ATAD2: variants seen among roughly 807,000 people sequenced by gnomAD.
The protein encoded by ATAD2 is ATPase family AAA domain containing 2, also known as ATPase family AAA domain-containing protein 2.
In ATAD2, 62 loss-of-function variants were observed where a neutral mutation model predicts 168.9. The ratio of observed to expected loss-of-function variants is 0.37; its 90% CI spans 0.30 to 0.45. The LOEUF (loss-of-function observed/expected upper bound fraction) is 0.45. Among genes scored for constraint, ATAD2 ranks in the 20% least tolerant of loss-of-function variants. The probability of loss-of-function intolerance (pLI) is 1.00; values close to 1 mark genes in which losing one functional copy is unlikely to be tolerated. For synonymous variants in ATAD2, 613 were observed against 571.6 expected, an observed-to-expected ratio of 1.07 and a Z score of -1.03; for missense variants, 1,419 against 1,667.8, an observed-to-expected ratio of 0.85 and a Z score of 2.60.
chr8:123,335,504 TAC>T (rs993362710), intron 22 of ATAD2, among the ~76,000 whole-genome samples: 2 of 152,162 alleles, frequency 1.3e-5, no homozygotes, highest in African/African-American at 2.4e-5. Flanking sequence ...GAGAAATGAA[TAC>T]AGAAAACAAC....
chr8:123,348,924 G>C (rs1402919674), intron 14 of ATAD2, among the ~76,000 whole-genome samples: 1 of 151,922 alleles, frequency 6.6e-6, no homozygotes, highest in East Asian at 1.9e-4. Context: ...TTCCTCTTTG[G>C]TTCCCAGAAG....
At chr8:123,377,972 A>AT (rs545564038) in intron 2 of ATAD2, among the ~76,000 whole-genome samples, 34 of 152,162 alleles carry the variant, frequency 2.2e-4, no homozygotes, top group Non-Finnish European at 4.7e-4. Context: ...TAAAATGCTT[A>AT]TTTTTTTCTT....
At chr8:123,332,566 ATTGT>A (rs1224025714) in intron 24 of ATAD2, among the ~76,000 whole-genome samples, 2 of 152,172 alleles carry the variant, frequency 1.3e-5, no homozygotes, top group South Asian at 2.1e-4. Context: ...TTCACTCAAC[ATTGT>A]TTGGGAGGTT....
chr8:123,384,079 C>CAAAAA (rs754380577), intron 1 of ATAD2, among the ~76,000 whole-genome samples: 1 of 73,396 alleles, frequency 1.4e-5, no homozygotes, highest in African/African-American at 4.5e-5. Context: ...GACTCCGTCT[C>CAAAAA]AAAAAAAAAA....
Position 123,320,530 on chromosome 8 carries a change from T to G in ATAD2, c.*604A>C, listed in dbSNP as rs998666329. The stretch of plus-strand genomic sequence containing the variant: ...ATTTAAAATCTTTATTAACCCAAAT[T>G]AGAATTATAAAAATGTTTGTCTCAA... On this transcript the variant is annotated 3_prime_UTR_variant, in exon 28 of 28. Coordinates refer to ENST00000287394, the MANE Select transcript of ATAD2 (RefSeq NM_014109.4). 6.6e-6 allele frequency: 1 copy of G among 152,106 alleles called. No homozygotes were observed. Among genetic ancestry groups the G allele is most frequent in the Admixed American group, 6.6e-5 (1 of 15,252 alleles). 9.4% of individuals were successfully genotyped at this position (152,106 alleles called of 1,614,324 possible).
intron 2 of ATAD2, among the ~76,000 whole-genome samples, chr8:123,372,892 CTTTT>C (rs766308467): frequency 1.5e-5 from 2 of 137,930 alleles, no homozygotes; most frequent in African/African-American, 2.7e-5. Context: ...ATCCAGCTAA[CTTTT>C]TTTTTTTTTT....
intron 26 of ATAD2, 127 bp from the exon 27 acceptor site, chr8:123,323,193 G>C (rs914974910): frequency 1.0e-6 from 1 of 974,604 alleles, no homozygotes. Context: ...TGATGACACA[G>C]GGCAGCCTCT....
At position 123,396,433 on chromosome 8, in the gene ATAD2, C is replaced by T; in HGVS notation, c.-76G>A. On this transcript the variant is annotated 5_prime_UTR_variant, in exon 1 of 28. Coordinates refer to ENST00000287394, the MANE Select transcript of ATAD2 (RefSeq NM_014109.4). ...CAGGCGCTCGCAGCTCTGGCTCTTC[C>T]GCGCTCCGAATTCTGGCGCCACAAG... The T allele has an allele frequency of 1.4e-6, 2 of 1,394,506 alleles. No homozygotes were observed. Among genetic ancestry groups the T allele is most frequent in the Non-Finnish European group, 1.9e-6 (2 of 1,067,502 alleles). 86.4% of individuals were successfully genotyped at this position (1,394,506 alleles called of 1,614,324 possible).
Position 123,320,977 on chromosome 8 carries a change from A to G in ATAD2, c.*157T>C, listed in dbSNP as rs1325845159. The G allele has an allele frequency of 1.6e-6, 1 of 644,936 alleles. No homozygotes were observed. The highest frequency in any genetic ancestry group is 3.0e-5 in the East Asian group (1 of 32,794). 40.0% of individuals were successfully genotyped at this position (644,936 alleles called of 1,614,324 possible). A position where few individuals can be genotyped will look rare whatever the true frequency, so the allele number is the denominator to read the frequency against. ...TCTTACACATGACATTTATCTTAATATGTACATAAATATCAGGAAAGTTTA... is the reference window on the plus strand; with the variant it reads ...TCTTACACATGACATTTATCTTAATGTGTACATAAATATCAGGAAAGTTTA... On this transcript the variant is annotated 3_prime_UTR_variant, in exon 28 of 28. Transcript: ENST00000287394.
chr8:123,383,221 G>A (rs1054188188), intron 1 of ATAD2, among the ~76,000 whole-genome samples: 4 of 152,102 alleles, frequency 2.6e-5, no homozygotes, highest in Non-Finnish European at 4.4e-5. Flanking sequence ...AGGAGGGATA[G>A]CATTAGGAGA....
intron 24 of ATAD2, among the ~76,000 whole-genome samples, chr8:123,333,061 C>T (rs1294395475): frequency 6.6e-6 from 1 of 151,576 alleles, no homozygotes; most frequent in Non-Finnish European, 1.5e-5. Context: ...CACCGCTAAC[C>T]CTAACCTTAA....
chr8:123,322,103 T>C (rs151124480), intron 27 of ATAD2, among the ~76,000 whole-genome samples: 1,607 of 151,512 alleles, frequency 0.011, 17 homozygotes, highest in Non-Finnish European at 0.015. Flanking sequence ...TTCTCATGCC[T>C]CAGCCACCCG....
chr8:123,388,199 CTTTA>C (rs1393317542), intron 1 of ATAD2, among the ~76,000 whole-genome samples: 4 of 152,154 alleles, frequency 2.6e-5, no homozygotes, highest in Admixed American at 1.3e-4. Flanking sequence ...TCACTACCTT[CTTTA>C]TTTATTTTTA....
chr8:123,370,178 C>G (rs1334132745), intron 6 of ATAD2, among the ~76,000 whole-genome samples, 154 bp from the exon 7 acceptor site: 2 of 150,740 alleles, frequency 1.3e-5, no homozygotes, highest in Non-Finnish European at 3.0e-5. Flanking sequence ...CTTATCTACT[C>G]CTAGATTGTT....
chr8:123,323,844 T>C (rs1056154128), intron 26 of ATAD2, among the ~76,000 whole-genome samples: 1 of 152,240 alleles, frequency 6.6e-6, no homozygotes, highest in East Asian at 1.9e-4. Context: ...GGATATATGG[T>C]ACTATTACAT....
intron 1 of ATAD2, among the ~76,000 whole-genome samples, chr8:123,409,820 C>T (rs1813126009): frequency 6.6e-6 from 1 of 151,506 alleles, no homozygotes; most frequent in East Asian, 2.0e-4. Context: ...TCTGTAGTCC[C>T]AGCTACTCGG....
intron 1 of ATAD2, among the ~76,000 whole-genome samples, chr8:123,384,652 G>A (rs1034149358): frequency 1.3e-5 from 2 of 152,194 alleles, no homozygotes; most frequent in Non-Finnish European, 2.9e-5. Flanking sequence ...AGAGAACACT[G>A]TCTTTAGCAA....
intron 13 of ATAD2, among the ~76,000 whole-genome samples, chr8:123,351,961 G>A (rs1255905504): frequency 6.6e-6 from 1 of 152,106 alleles, no homozygotes; most frequent in Non-Finnish European, 1.5e-5. Flanking sequence ...TGTTAGCCAG[G>A]ATGGTCTCGA....
In ATAD2 at chr8:123,323,029, T is replaced by C. The variant is rs201875307; in HGVS notation, c.4040A>G (p.Tyr1347Cys). 28 of 1,612,018 alleles carry C rather than the reference T, an allele frequency of 1.7e-5. No homozygotes were observed. The highest frequency in any genetic ancestry group is 2.7e-5 in the African/African-American group (2 of 74,898). Residue 1347 changes from tyrosine to cysteine, a missense_variant, in exon 27 of 28, where the codon TAC becomes TGC. By Grantham distance (194) the Tyr-to-Cys change is radical. This residue lies in a region of ATAD2 where 303 missense variants were observed against 304.3 expected (regional missense o/e 1.00). Coordinates refer to ENST00000287394, the MANE Select transcript of ATAD2 (RefSeq NM_014109.4). The stretch of plus-strand genomic sequence containing the variant: ...CAAATTTTCCAACTGAAATATGTTG[T>C]AGTTTTGACTTTTTTTAACAACAGT... ...LKTVVKKSQN[Y>C]NIFQLENLYA...
Sources: allele counts gnomAD v4.1 joint callset (sites outside exome capture counted in the v4.1 genomes callset), GRCh38; gene constraint gnomAD v4.1.1; regional missense constraint gnomAD v4.1.1; transcripts MANE v1.5; gene names NCBI Gene and HGNC (gene_info 2026-07-23, HGNC 2026-07-21).